Variants in SLC39A12 observed in about 807,000 individuals in gnomAD.
The protein encoded by SLC39A12 is zinc transporter ZIP12.
Under a neutral mutation model 71.1 loss-of-function variants are expected in SLC39A12, and 63 were observed. The ratio of observed to expected loss-of-function variants is 0.89; its 90% confidence interval spans 0.72 to 1.09. SLC39A12 has a LOEUF of 1.09. SLC39A12 is among the 50% of genes least tolerant of loss of function. The pLI is 0.00. For missense variants in SLC39A12, 892 were observed against 812.6 expected (o/e 1.10, Z -1.19); for synonymous variants, 351 against 301.3 (o/e 1.16, Z -1.71).
chr10:17,971,794 A>G (rs1178247062), intron 4 of SLC39A12, among the ~76,000 whole-genome samples: 1 of 151,726 alleles, frequency 6.6e-6, no homozygotes. Context: ...TTTTTGTTTC[A>G]TTGATCTTTT....
chr10:17,999,701 A>T (rs543379971), intron 10 of SLC39A12, among the ~76,000 whole-genome samples: 1 of 152,294 alleles, frequency 6.6e-6, no homozygotes, highest in Admixed American at 6.5e-5. Context: ...TTTGTTCAAC[A>T]TGTAACTGGC....
intron 12 of SLC39A12, among the ~76,000 whole-genome samples, chr10:18,010,818 G>T (rs1247601196): frequency 6.6e-6 from 1 of 152,038 alleles, no homozygotes; most frequent in African/African-American, 2.4e-5. Flanking sequence ...AACTGCATGG[G>T]TTCACTTATA....
At chr10:17,991,962 G>C (rs1047508320) in intron 8 of SLC39A12, among the ~76,000 whole-genome samples, 1 of 151,654 alleles carries the variant, frequency 6.6e-6, no homozygotes, top group African/African-American at 2.4e-5. Context: ...GATGCCGCGC[G>C]CCTGTAATCC....
Position 17,953,490 on chromosome 10 carries a change from A to C in SLC39A12, c.214A>C (p.Thr72Pro), listed in dbSNP as rs201613278. Residue 72 changes from threonine (T) to proline (P), a missense_variant, in exon 2 of 13, where the codon ACT (threonine) becomes CCT (proline). Thr to Pro is a conservative substitution (Grantham distance 38). Transcript: ENST00000377369. ...CCTCATCAAAACATTGTTGGAGAAA[A>C]CTGGGTGCCCACGGAGGAGAAACGG... ...RSLIKTLLEK[T>P]GCPRRRNGMQ... is the part of the protein sequence containing the mutation. The C allele has an allele frequency of 2.1e-4, 344 of 1,614,072 alleles. No individual in the cohort carries two copies. Among genetic ancestry groups the C allele is most frequent in the Non-Finnish European group, 2.8e-4 (335 of 1,180,054 alleles).
intron 3 of SLC39A12, among the ~76,000 whole-genome samples, chr10:17,964,093 C>G (rs1192584256): frequency 6.6e-6 from 1 of 152,108 alleles, no homozygotes; most frequent in Non-Finnish European, 1.5e-5. Context: ...CTGGGCGTTC[C>G]TGACCCCACG....
At chr10:18,039,579 TTAGCTGGG>T (rs202229394) in intron 12 of SLC39A12, among the ~76,000 whole-genome samples, 3,252 of 152,126 alleles carry the variant, frequency 0.021, 48 homozygotes, top group South Asian at 0.044. Context: ...AATTTTAAAA[TTAGCTGGG>T]TAGGGTAGTA....
chr10:17,956,463 A>AT (rs1834552967), intron 2 of SLC39A12, among the ~76,000 whole-genome samples: 2 of 152,190 alleles, frequency 1.3e-5, no homozygotes, highest in South Asian at 4.1e-4. Flanking sequence ...TCTCATGGAC[A>AT]TACATGTTCT....
intron 12 of SLC39A12, among the ~76,000 whole-genome samples, chr10:18,026,638 C>G (rs372226095): frequency 5.7e-4 from 86 of 152,090 alleles, no homozygotes; most frequent in African/African-American, 2.1e-3. Flanking sequence ...GTCTCTTTCT[C>G]CTCTTTCTAA....
intron 9 of SLC39A12, 43 bp from the exon 10 acceptor site, chr10:17,995,613 G>A (rs1296394959): frequency 1.3e-6 from 2 of 1,550,068 alleles, no homozygotes; most frequent in East Asian, 2.2e-5. Context: ...CAAAATGATG[G>A]CCATTACTTA....
intron 12 of SLC39A12, among the ~76,000 whole-genome samples, chr10:18,023,771 GGTT>G (rs1836599466): frequency 6.6e-6 from 1 of 152,164 alleles, no homozygotes; most frequent in South Asian, 2.1e-4. Context: ...TGAGATTCTA[GGTT>G]GTCTCTGGGA....
intron 5 of SLC39A12, among the ~76,000 whole-genome samples, chr10:17,979,286 A>G (rs1835194285): frequency 6.6e-6 from 1 of 152,210 alleles, no homozygotes; most frequent in Non-Finnish European, 1.5e-5. Context: ...TAATGACCTA[A>G]ATGGCACAAG....
chr10:17,969,858 C>A (rs1173416790), intron 4 of SLC39A12, among the ~76,000 whole-genome samples: 2 of 152,276 alleles, frequency 1.3e-5, no homozygotes, highest in East Asian at 3.9e-4. Flanking sequence ...AAATTTTCGA[C>A]CAGACCAATG....
intron 5 of SLC39A12, 72 bp from the exon 6 acceptor site, chr10:17,981,240 G>A (rs1835248435): frequency 7.2e-7 from 1 of 1,384,204 alleles, no homozygotes; most frequent in South Asian, 1.5e-5. Context: ...CACTCCTCAA[G>A]GATGACAACT....
intron 12 of SLC39A12, among the ~76,000 whole-genome samples, chr10:18,016,040 C>T (rs1408890995): frequency 3.3e-5 from 5 of 152,130 alleles, no homozygotes; most frequent in African/African-American, 1.2e-4. Flanking sequence ...CATACCTTAA[C>T]ACATTGTGAC....
chr10:17,967,173 A>C (rs116130302), intron 4 of SLC39A12, among the ~76,000 whole-genome samples: 2,058 of 152,200 alleles, frequency 0.014, 41 homozygotes, highest in African/African-American at 0.043. Context: ...TGGTTTTCAT[A>C]TGGAGTTTGC....
At chr10:17,977,233 T>G (rs1044495745) in intron 4 of SLC39A12, among the ~76,000 whole-genome samples, 2 of 152,124 alleles carry the variant, frequency 1.3e-5, no homozygotes, top group Non-Finnish European at 2.9e-5. Flanking sequence ...ATATAATTTC[T>G]TTTAGTTCCT....
At chr10:17,952,435 T>C (rs1366173976) in intron 1 of SLC39A12, among the ~76,000 whole-genome samples, 3 of 152,152 alleles carry the variant, frequency 2.0e-5, no homozygotes, top group Non-Finnish European at 4.4e-5. Context: ...AACATTACTA[T>C]TTTCTTCTAG....
At chr10:17,993,725 C>G (rs1436809946) in intron 9 of SLC39A12, among the ~76,000 whole-genome samples, 1 of 152,186 alleles carries the variant, frequency 6.6e-6, no homozygotes, top group African/African-American at 2.4e-5. Flanking sequence ...ATAACTGATT[C>G]TGTCCAATGA....
intron 12 of SLC39A12, among the ~76,000 whole-genome samples, chr10:18,040,269 G>A (rs1837183692): frequency 6.6e-6 from 1 of 152,072 alleles, no homozygotes; most frequent in South Asian, 2.1e-4. Context: ...CTGGCATAAA[G>A]ACACCAAAAG....
Sources: allele counts gnomAD v4.1 joint callset (sites outside exome capture counted in the v4.1 genomes callset), GRCh38; gene constraint gnomAD v4.1.1; transcripts MANE v1.5; gene names NCBI Gene and HGNC (gene_info 2026-07-23, HGNC 2026-07-21).